The following OSBPL8 variants were observed in gnomAD, a reference collection of about 807,000 sequenced individuals.
OSBPL8 encodes oxysterol-binding protein-related protein 8.
OSBPL8 carries 59 observed loss-of-function variants against 125.5 expected under a neutral mutation model. That is an observed-to-expected ratio of 0.47 (90% confidence interval 0.38 to 0.58). The LOEUF is 0.58. Ranked by LOEUF, OSBPL8 falls within the 20% of genes least tolerant of loss-of-function variation. The probability of loss-of-function intolerance (pLI) is 0.00; values close to 1 mark genes in which losing one functional copy is unlikely to be tolerated. For missense variants in OSBPL8, 758 were observed against 1,047.8 expected, an observed-to-expected ratio of 0.72 and a Z score of 3.82; for synonymous variants, 330 against 338.9, an observed-to-expected ratio of 0.97 and a Z score of 0.29.
chr12:76,449,823 A>C (rs1873165415), intron 4 of OSBPL8, among the ~76,000 whole-genome samples: 3 of 152,206 alleles, frequency 2.0e-5, no homozygotes, highest in Non-Finnish European at 4.4e-5. Flanking sequence ...GAGCCATTCA[A>C]AATTCAAGAG....
At chr12:76,382,158 C>A (rs1464107141) in intron 15 of OSBPL8, among the ~76,000 whole-genome samples, 1 of 152,162 alleles carries the variant, frequency 6.6e-6, no homozygotes, top group African/African-American at 2.4e-5. Flanking sequence ...AAGACTGATA[C>A]AATCATATTA....
chr12:76,481,555 A>G (rs543130102), intron 2 of OSBPL8, among the ~76,000 whole-genome samples: 1 of 152,262 alleles, frequency 6.6e-6, no homozygotes, highest in South Asian at 2.1e-4. Flanking sequence ...ACTTAAGCCC[A>G]GGAATTCAAG....
intron 8 of OSBPL8, 116 bp downstream of exon 8, chr12:76,397,578 A>G: frequency 9.5e-7 from 1 of 1,048,310 alleles, no homozygotes; most frequent in Non-Finnish European, 1.4e-6. Flanking sequence ...TGCAATGGAA[A>G]GCAGAACAGA....
intron 14 of OSBPL8, among the ~76,000 whole-genome samples, chr12:76,385,630 C>T (rs1326589198): frequency 1.3e-5 from 2 of 151,614 alleles, no homozygotes; most frequent in Non-Finnish European, 2.9e-5. Context: ...GAAGAATAAG[C>T]GGGTCAGGGT....
chr12:76,400,716 G>T (rs1954017613), intron 6 of OSBPL8, among the ~76,000 whole-genome samples: 1 of 150,190 alleles, frequency 6.7e-6, no homozygotes. Context: ...GCAGGAGTTA[G>T]TCTTAGACAA....
chr12:76,403,946 T>C (rs1399474562), intron 5 of OSBPL8, among the ~76,000 whole-genome samples: 1 of 152,174 alleles, frequency 6.6e-6, no homozygotes, highest in East Asian at 1.9e-4. Flanking sequence ...ATAAAATAGG[T>C]ACTTGCAGCT....
intron 1 of OSBPL8, among the ~76,000 whole-genome samples, chr12:76,552,244 G>A (rs1350561847): frequency 1.3e-5 from 2 of 151,654 alleles, no homozygotes; most frequent in African/African-American, 2.4e-5. Context: ...GGGCAACATG[G>A]TGAAACCCCA....
At chr12:76,496,635 G>C (rs1879305855) in intron 1 of OSBPL8, among the ~76,000 whole-genome samples, 1 of 151,990 alleles carries the variant, frequency 6.6e-6, no homozygotes, top group African/African-American at 2.4e-5. Flanking sequence ...CCGCTTTCCA[G>C]GTTCAAGTGA....
chr12:76,535,045 A>G (rs539595132), intron 1 of OSBPL8, among the ~76,000 whole-genome samples: 1 of 151,510 alleles, frequency 6.6e-6, no homozygotes, highest in Non-Finnish European at 1.5e-5. Flanking sequence ...AACTTCTAGA[A>G]TAAAAATGGG....
chr12:76,389,605 A>G (rs1592584111), intron 12 of OSBPL8, 40 bp downstream of exon 12: 1 of 1,405,158 alleles, frequency 7.1e-7, no homozygotes, highest in East Asian at 2.4e-5. Flanking sequence ...TTCTAAAATC[A>G]TGAAGTATTG....
chr12:76,558,396 C>T (rs1176734634), intron 1 of OSBPL8, among the ~76,000 whole-genome samples: 2 of 152,096 alleles, frequency 1.3e-5, no homozygotes, highest in African/African-American at 4.8e-5. Flanking sequence ...TCTCTAGATA[C>T]GAAGGGAGGC....
At chr12:76,378,971 T>C (rs772039765) in intron 15 of OSBPL8, among the ~76,000 whole-genome samples, 3 of 152,214 alleles carry the variant, frequency 2.0e-5, no homozygotes, top group African/African-American at 7.2e-5. Context: ...GGTTTCCCCA[T>C]GTTGGCCAAG....
chr12:76,394,891 G>A (rs1476560267), intron 8 of OSBPL8, among the ~76,000 whole-genome samples, 162 bp from the exon 9 acceptor site: 1 of 152,046 alleles, frequency 6.6e-6, no homozygotes, highest in Non-Finnish European at 1.5e-5. Flanking sequence ...CAAATGTTAA[G>A]TATTAAGAAA....
At chr12:76,536,123 C>T (rs1300568761) in intron 1 of OSBPL8, among the ~76,000 whole-genome samples, 2 of 151,538 alleles carry the variant, frequency 1.3e-5, no homozygotes, top group African/African-American at 4.9e-5. Context: ...GGAAAGACTA[C>T]AGAAGTAGCG....
chr12:76,444,782 G>A (rs1360279596), intron 4 of OSBPL8, among the ~76,000 whole-genome samples: 1 of 152,110 alleles, frequency 6.6e-6, no homozygotes, highest in Non-Finnish European at 1.5e-5. Context: ...AAAGAGTGGA[G>A]TGAAATCTAT....
intron 1 of OSBPL8, among the ~76,000 whole-genome samples, chr12:76,542,061 C>T (rs1950659346): frequency 5.9e-5 from 9 of 151,892 alleles, no homozygotes; most frequent in Admixed American, 5.9e-4. Flanking sequence ...ATCCCAGCTA[C>T]ACGGGAGGCT....
chr12:76,559,024 G>A (rs923121778), intron 1 of OSBPL8, among the ~76,000 whole-genome samples: 4 of 152,274 alleles, frequency 2.6e-5, no homozygotes, highest in African/African-American at 9.6e-5. Flanking sequence ...CGCCTTAACC[G>A]CACCGAGCGA....
intron 4 of OSBPL8, chr12:76,422,561 A>G (rs1179642709): frequency 2.2e-6 from 1 of 456,644 alleles, no homozygotes; most frequent in Admixed American, 2.3e-5. Context: ...AGCATTCCGA[A>G]CAAGCTTTCG....
chr12:76,432,397 C>G (rs1870941790), intron 4 of OSBPL8, among the ~76,000 whole-genome samples: 1 of 151,906 alleles, frequency 6.6e-6, no homozygotes, highest in African/African-American at 2.4e-5. Context: ...CAGGGCAACC[C>G]AGCGGGACCG....
Sources: gnomAD v4.1 joint callset for allele counts (sites outside exome capture counted in the v4.1 genomes callset) on GRCh38, gnomAD v4.1.1 for gene constraint, MANE v1.5 for transcripts, NCBI Gene and HGNC (gene_info 2026-07-23, HGNC 2026-07-21) for gene names.